Variants in SGK1 observed in about 807,000 individuals in gnomAD.
SGK1 encodes serine/threonine-protein kinase Sgk1.
A neutral mutation model predicts 64.2 loss-of-function variants in SGK1; 26 were observed. The observed-to-expected ratio is 0.40, with a 90% CI of 0.30 to 0.56. SGK1 has a LOEUF of 0.56. SGK1 is among the 20% of genes least tolerant of loss of function. The probability of loss-of-function intolerance (pLI) is 0.38; values close to 1 mark genes in which losing one functional copy is unlikely to be tolerated. For synonymous variants in SGK1, 265 were observed against 239.7 expected, an observed-to-expected ratio of 1.11 and a Z score of -0.98; for missense variants, 519 against 645.6, an observed-to-expected ratio of 0.80 and a Z score of 2.12.
At chr6:134,191,348 T>G (rs1775505762) in intron 3 of SGK1, among the ~76,000 whole-genome samples, 1 of 152,186 alleles carries the variant, frequency 6.6e-6, no homozygotes. Context: ...GACAACCATT[T>G]ATTAAGGTCT....
intron 2 of SGK1, among the ~76,000 whole-genome samples, chr6:134,235,540 TTTTTA>T (rs775006856): frequency 0.1 from 7,649 of 76,384 alleles, 272 homozygotes; most frequent in South Asian, 0.14. Flanking sequence ...AAAATAGATA[TTTTTA>T]TTTATTTATT....
intron 3 of SGK1, among the ~76,000 whole-genome samples, chr6:134,189,294 A>G (rs1162699808): frequency 6.6e-6 from 1 of 151,862 alleles, no homozygotes; most frequent in Non-Finnish European, 1.5e-5. Flanking sequence ...GATAACACCA[A>G]CTTTGTTCCC....
rs760984947 is a variant in SGK1, at chr6:134,271,951, C to T, written c.70-9803G>A. On this transcript the variant is annotated intron_variant, in intron 1 of 13. Coordinates refer to ENST00000367858, the MANE Select transcript of SGK1 (RefSeq NM_001143676.3). ...CCACCTCCCAGGTTCAAGCAATTCT[C>T]CTGCCTCAGCCTCCCGAGTAACTAG... is the stretch of plus-strand genomic sequence containing the variant. 1.0e-3 allele frequency among the ~76,000 whole-genome samples: 151 copies of T among 146,882 alleles called. 7 individuals carry two copies. The highest frequency in any genetic ancestry group is 1.1e-3 in the Admixed American group (16 of 14,284).
chr6:134,219,290 G>A lies in SGK1; in HGVS notation c.286-11859C>T, dbSNP rs1484835893. Among the ~76,000 whole-genome samples the A allele has an allele frequency of 4.6e-5, 7 of 152,080 alleles. No homozygotes were observed. The East Asian group carries it at 1.4e-3, about 30-fold the overall frequency. ...GCCTCCCAAAGTGCTGAGATTACAG[G>A]CATGAGCCACCGTGCCTGGCCCTAA... On this transcript the variant is annotated intron_variant, in intron 2 of 13. Transcript: ENST00000367858.
intron 2 of SGK1, among the ~76,000 whole-genome samples, chr6:134,241,763 G>A (rs920222299): frequency 1.4e-4 from 22 of 152,242 alleles, no homozygotes; most frequent in African/African-American, 5.3e-4. Context: ...TGGGACTACA[G>A]GCGCCCGCCA....
intron 1 of SGK1, among the ~76,000 whole-genome samples, chr6:134,312,066 A>T (rs1470161225): frequency 1.3e-5 from 2 of 152,206 alleles, no homozygotes; most frequent in East Asian, 1.9e-4. Flanking sequence ...GCATCATCGC[A>T]GTGCACTCCA....
At chr6:134,305,476 G>A (rs1212477181) in intron 1 of SGK1, among the ~76,000 whole-genome samples, 3 of 151,434 alleles carry the variant, frequency 2.0e-5, no homozygotes, top group African/African-American at 4.9e-5. Context: ...GGGTGGCTGA[G>A]GCAAAAGAAT....
chr6:134,268,680 G>C lies in SGK1; in HGVS notation c.70-6532C>G, dbSNP rs370911927. On this transcript the variant is annotated intron_variant, in intron 1 of 13. Transcript: ENST00000367858. ...GGAGCTTGCAGTGAGCTGAGATCGC[G>C]CCACTGCACTCCAGCCTGGGCGACA... 2.0e-4 allele frequency among the ~76,000 whole-genome samples: 27 copies of C among 133,016 alleles called. 1 individual carries two copies. Among genetic ancestry groups the C allele is most frequent in the African/African-American group, 7.4e-4 (27 of 36,646 alleles). The allele number at this position is 133,016 out of a possible 152,430, so 87.3% of individuals were successfully genotyped here. A position where few individuals can be genotyped will look rare whatever the true frequency, so the allele number is the denominator to read the frequency against.
rs530891082 is a variant in SGK1, at chr6:134,193,608, T to C, written c.361+13748A>G. 2.0e-5 allele frequency among the ~76,000 whole-genome samples: 3 copies of C among 151,312 alleles called. No homozygotes were observed. In the South Asian group the frequency reaches 6.3e-4, roughly 32 times the overall value. The stretch of plus-strand genomic sequence containing the variant: ...TCTTTGTTCTGTTCTCTCTTTATTT[T>C]CTTATGTTCCTTCCTGCACACTGAA... On this transcript the variant is annotated intron_variant, in intron 3 of 13. Transcript: ENST00000367858.
intron 2 of SGK1, among the ~76,000 whole-genome samples, chr6:134,240,777 G>A (rs1026365951): frequency 1.3e-5 from 2 of 152,122 alleles, no homozygotes; most frequent in Admixed American, 6.6e-5. Context: ...AGAGAAAAAC[G>A]ATTACATCAG....
At chr6:134,225,300 G>A (rs1297397307) in intron 2 of SGK1, among the ~76,000 whole-genome samples, 1 of 147,724 alleles carries the variant, frequency 6.8e-6, no homozygotes, top group Non-Finnish European at 1.5e-5. Context: ...GCAGTGAGCT[G>A]AGATCGGACC....
chr6:134,306,612 C>T lies in SGK1; in HGVS notation c.69+10780G>A, dbSNP rs928477250. Among the ~76,000 whole-genome samples, 4 of 151,976 alleles carry T rather than the reference C, an allele frequency of 2.6e-5. No individual in the cohort carries two copies. The South Asian group carries it at 6.2e-4, about 24-fold the overall frequency. Reference sequence around the variant, plus strand: ...CATCATGGCTTACTGCAACCTCCACCTTCTGGGTTCAAGTGATCCTGGCAC... The same window carrying T: ...CATCATGGCTTACTGCAACCTCCACTTTCTGGGTTCAAGTGATCCTGGCAC... On this transcript the variant is annotated intron_variant, in intron 1 of 13. Transcript: ENST00000367858.
At chr6:134,296,953 G>A in intron 1 of SGK1, 1 of 409,880 alleles carries the variant, frequency 2.4e-6, no homozygotes, top group South Asian at 2.0e-5. Flanking sequence ...GGGCTCTGGG[G>A]CAGCCGCAAG....
chr6:134,313,603 A>C (rs1777637767), intron 1 of SGK1, among the ~76,000 whole-genome samples: 1 of 151,704 alleles, frequency 6.6e-6, no homozygotes, highest in Non-Finnish European at 1.5e-5. Context: ...GTCCTGGCTT[A>C]ACCTCATTCT....
At chr6:134,175,731 C>A (rs540579604) in intron 3 of SGK1, 8 of 1,371,306 alleles carry the variant, frequency 5.8e-6, no homozygotes, top group Non-Finnish European at 5.7e-6. Flanking sequence ...TTGAAGGAGC[C>A]GCCGTGACTC....
At position 134,317,752 on chromosome 6, in the gene SGK1, T is replaced by G. The variant is rs920906872; in HGVS notation, c.-292A>C. On this transcript the variant is annotated 5_prime_UTR_variant, in exon 1 of 14. Transcript: ENST00000367858. Reference sequence around the variant, plus strand: ...GCCGGACGGTGGGATACGGCCAATCTCCGGGGAGATGCTGTGGCTCTTACC... The same window carrying G: ...GCCGGACGGTGGGATACGGCCAATCGCCGGGGAGATGCTGTGGCTCTTACC... The G allele has an allele frequency of 3.8e-5, 13 of 341,556 alleles. No individual in the cohort carries two copies. Among genetic ancestry groups the G allele is most frequent in the Non-Finnish European group, 6.4e-5 (12 of 187,420 alleles). 21.2% of individuals were successfully genotyped at this position (341,556 alleles called of 1,614,324 possible). A position where few individuals can be genotyped will look rare whatever the true frequency, so the allele number is the denominator to read the frequency against.
At chr6:134,186,872 A>G (rs1334822593) in intron 3 of SGK1, among the ~76,000 whole-genome samples, 1 of 150,620 alleles carries the variant, frequency 6.6e-6, no homozygotes, top group East Asian at 1.9e-4. Flanking sequence ...GCTGGAGTGC[A>G]TGGGTGTGAT....
chr6:134,281,769 G>A (rs1013026403), intron 1 of SGK1, among the ~76,000 whole-genome samples: 1 of 152,024 alleles, frequency 6.6e-6, no homozygotes, highest in African/African-American at 2.4e-5. Context: ...CTCCCGTCTC[G>A]GCCTCCGGGA....
chr6:134,273,277 C>T lies in SGK1; in HGVS notation c.70-11129G>A, dbSNP rs76403949. 7.2e-3 allele frequency among the ~76,000 whole-genome samples: 1,054 copies of T among 147,036 alleles called. 58 individuals are homozygous for T. Among genetic ancestry groups the T allele is most frequent in the African/African-American group, 0.023 (962 of 41,028 alleles). On this transcript the variant is annotated intron_variant, in intron 1 of 13. Transcript: ENST00000367858. ...AAAGATGGAGGGTACTTGGTCCAGT[C>T]AGGAAAAATCAGGGAAGGCTTTCTG...
Sources: gnomAD v4.1 joint callset for allele counts (sites outside exome capture counted in the v4.1 genomes callset) on GRCh38, gnomAD v4.1.1 for gene constraint, MANE v1.5 for transcripts, NCBI Gene and HGNC (gene_info 2026-07-23, HGNC 2026-07-21) for gene names.